Variants in WNT3 observed in about 807,000 individuals in gnomAD.
WNT3 encodes Wnt family member 3, also known as proto-oncogene Wnt-3.
Under a neutral mutation model 34.2 loss-of-function variants are expected in WNT3, and 7 were observed. That is an observed-to-expected ratio of 0.20 (90% confidence interval 0.12 to 0.38). WNT3 has a LOEUF of 0.38. WNT3 is among the 10% of genes least tolerant of loss of function. The probability of loss-of-function intolerance (pLI) is 1.00; values close to 1 mark genes in which losing one functional copy is unlikely to be tolerated. For synonymous variants in WNT3, 212 were observed against 211.5 expected (o/e 1.00, Z -0.02); for missense variants, 267 against 499.8 (o/e 0.53, Z 4.44).
chr17:46,817,253 G>T (rs1478981461), intron 1 of WNT3, among the ~76,000 whole-genome samples: 1 of 152,196 alleles, frequency 6.6e-6, no homozygotes, highest in Admixed American at 6.5e-5. Context: ...TTGGCGAAAG[G>T]CAGGGAGTCT....
intron 1 of WNT3, among the ~76,000 whole-genome samples, chr17:46,789,220 T>C (rs1339982286): frequency 1.3e-5 from 2 of 152,162 alleles, no homozygotes; most frequent in East Asian, 1.9e-4. Flanking sequence ...CCTCCCTGCC[T>C]CACACCTGAT....
At chr17:46,769,226 G>C (rs1019036134) in intron 3 of WNT3, among the ~76,000 whole-genome samples, 5 of 148,634 alleles carry the variant, frequency 3.4e-5, no homozygotes, top group African/African-American at 1.2e-4. Context: ...TGAGGCCGGA[G>C]AATTGCTTGA....
At chr17:46,811,100 G>T (rs972052906) in intron 1 of WNT3, among the ~76,000 whole-genome samples, 1 of 152,094 alleles carries the variant, frequency 6.6e-6, no homozygotes, top group Admixed American at 6.6e-5. Flanking sequence ...AACTCCTCCC[G>T]GCTGTACAGG....
intron 1 of WNT3, among the ~76,000 whole-genome samples, chr17:46,806,979 C>T (rs1449633622): frequency 6.6e-6 from 1 of 152,140 alleles, no homozygotes; most frequent in Non-Finnish European, 1.5e-5. Flanking sequence ...CCGTCGGCTT[C>T]CAAGGCAAGG....
intron 1 of WNT3, among the ~76,000 whole-genome samples, chr17:46,784,546 C>T (rs1568082642): frequency 6.6e-6 from 1 of 151,990 alleles, no homozygotes; most frequent in Non-Finnish European, 1.5e-5. Context: ...GGCTGGGGGC[C>T]AAGGGGCAGC....
In WNT3 at chr17:46,779,326, G is replaced by T. The variant is rs149547832; in HGVS notation, c.81-5417C>A. ...AGATGATGGCCAGGCTCCCAAGGGG[G>T]ATAGAGACCTGCCTGGCACTGACAG... On this transcript the variant is annotated intron_variant, in intron 1 of 4. Transcript: ENST00000225512. Among the ~76,000 whole-genome samples, 97 of 152,336 alleles carry T rather than the reference G, an allele frequency of 6.4e-4. No individual in the cohort carries two copies. The East Asian group carries it at 0.017, about 26-fold the overall frequency.
chr17:46,811,779 AC>A, intron 1 of WNT3, among the ~76,000 whole-genome samples: 1 of 151,970 alleles, frequency 6.6e-6, no homozygotes, highest in East Asian at 1.9e-4. Context: ...ACATGGTGAA[AC>A]CCCCATCTCT....
At chr17:46,766,338 G>A (rs762584514) in intron 4 of WNT3, among the ~76,000 whole-genome samples, 4 of 151,964 alleles carry the variant, frequency 2.6e-5, no homozygotes, top group Admixed American at 6.6e-5. Flanking sequence ...AACCCAGGTG[G>A]CGGAGGTTAC....
At chr17:46,788,880 C>T (rs925166130) in intron 1 of WNT3, among the ~76,000 whole-genome samples, 1 of 152,198 alleles carries the variant, frequency 6.6e-6, no homozygotes, top group South Asian at 2.1e-4. Flanking sequence ...TGGCCATGGC[C>T]CTGCTGGCTC....
intron 1 of WNT3, among the ~76,000 whole-genome samples, chr17:46,803,144 T>C (rs1455835418): frequency 6.6e-6 from 1 of 152,254 alleles, no homozygotes; most frequent in African/African-American, 2.4e-5. Flanking sequence ...GCTTGGTGTA[T>C]GCACGCATTT....
intron 1 of WNT3, among the ~76,000 whole-genome samples, chr17:46,799,403 C>T (rs1168831404): frequency 6.6e-6 from 1 of 151,256 alleles, no homozygotes; most frequent in African/African-American, 2.4e-5. Flanking sequence ...ACCTGTAGAA[C>T]ATCTTTAATG....
chr17:46,785,422 G>A (rs374197473), intron 1 of WNT3, among the ~76,000 whole-genome samples: 31 of 152,296 alleles, frequency 2.0e-4, no homozygotes, highest in Middle Eastern at 3.4e-3. Context: ...CACGCCATAG[G>A]AGAAAAACCC....
At chr17:46,772,059 C>G (rs1463079379) in intron 2 of WNT3, among the ~76,000 whole-genome samples, 1 of 152,056 alleles carries the variant, frequency 6.6e-6, no homozygotes, top group Non-Finnish European at 1.5e-5. Context: ...GAGATTAACC[C>G]TTGGCCGCCC....
intron 1 of WNT3, among the ~76,000 whole-genome samples, chr17:46,786,127 G>A (rs1343566965): frequency 2.0e-5 from 3 of 149,634 alleles, no homozygotes; most frequent in East Asian, 2.0e-4. Flanking sequence ...AGGAGGGTGC[G>A]AGAGAGGGAT....
At chr17:46,781,770 T>C (rs1461037276) in intron 1 of WNT3, among the ~76,000 whole-genome samples, 1 of 152,186 alleles carries the variant, frequency 6.6e-6, no homozygotes, top group Non-Finnish European at 1.5e-5. Context: ...ATCCCCAGCC[T>C]TCAACTTCGC....
At chr17:46,771,340 C>G (rs2059367030) in intron 2 of WNT3, among the ~76,000 whole-genome samples, 1 of 151,972 alleles carries the variant, frequency 6.6e-6, no homozygotes, top group African/African-American at 2.4e-5. Flanking sequence ...CGCCCCAATC[C>G]TAGACGCCCC....
intron 1 of WNT3, among the ~76,000 whole-genome samples, chr17:46,787,693 C>G (rs766289872): frequency 6.6e-6 from 1 of 152,220 alleles, no homozygotes; most frequent in East Asian, 1.9e-4. Context: ...GTGGCTCACG[C>G]CTGTATTCCC....
At position 46,771,990 on chromosome 17, in the gene WNT3, G is replaced by A. The variant is rs1423872971; in HGVS notation, c.322+1678C>T. 2.0e-5 allele frequency among the ~76,000 whole-genome samples: 3 copies of A among 150,782 alleles called. No individual in the cohort carries two copies. In the South Asian group the frequency reaches 6.2e-4, roughly 31 times the overall value. On this transcript the variant is annotated intron_variant, in intron 2 of 4. Coordinates refer to ENST00000225512, the MANE Select transcript of WNT3 (RefSeq NM_030753.5). ...CGACCCCGCCGCCCCCAGACTCGCG[G>A]AAGACGCGCGCCCCGGGCTGCCCGA...
At chr17:46,784,270 G>C (rs1350215757) in intron 1 of WNT3, among the ~76,000 whole-genome samples, 1 of 152,214 alleles carries the variant, frequency 6.6e-6, no homozygotes, top group East Asian at 1.9e-4. Flanking sequence ...TGTCCACCAA[G>C]ATGGGAAGGT....
Sources: allele counts gnomAD v4.1 joint callset (sites outside exome capture counted in the v4.1 genomes callset), GRCh38; gene constraint gnomAD v4.1.1; transcripts MANE v1.5; gene names NCBI Gene and HGNC (gene_info 2026-07-23, HGNC 2026-07-21).